Variants in PKIB observed in about 807,000 individuals in gnomAD.
PKIB encodes the protein cAMP-dependent protein kinase inhibitor beta.
A neutral mutation model predicts 4.5 loss-of-function variants in PKIB; 2 were observed. That is an observed-to-expected ratio of 0.44 (90% CI 0.18 to 1.39). The LOEUF is 1.39. Among genes scored for constraint, PKIB ranks in the 40% most tolerant of loss-of-function variants. The pLI, the probability that PKIB is intolerant of heterozygous loss-of-function variation, is 0.27. For synonymous variants in PKIB, 38 were observed against 36.0 expected (o/e 1.06, Z -0.20); for missense variants, 94 against 92.6 (o/e 1.02, Z -0.06).
intron 3 of PKIB, among the ~76,000 whole-genome samples, chr6:122,709,749 A>C (rs1005177737): frequency 1.3e-5 from 2 of 152,092 alleles, no homozygotes; most frequent in African/African-American, 2.4e-5. Flanking sequence ...AAGATAAATA[A>C]GTATATATTA....
intron 3 of PKIB, among the ~76,000 whole-genome samples, chr6:122,601,987 C>G (rs1166923899): frequency 6.6e-6 from 1 of 150,482 alleles, no homozygotes; most frequent in Non-Finnish European, 1.5e-5. Flanking sequence ...TCCTTCCAAG[C>G]TCTTCCCTTC....
At chr6:122,636,372 G>A (rs1038354406) in intron 2 of PKIB, among the ~76,000 whole-genome samples, 14 of 151,860 alleles carry the variant, frequency 9.2e-5, no homozygotes, top group African/African-American at 3.4e-4. Flanking sequence ...CTATACAAAA[G>A]ATAAATGTGT....
At chr6:122,497,830 T>C (rs887631360) in intron 2 of PKIB, among the ~76,000 whole-genome samples, 3 of 152,108 alleles carry the variant, frequency 2.0e-5, no homozygotes, top group African/African-American at 7.2e-5. Flanking sequence ...TAAGAAAGTC[T>C]GGGCTTAAAT....
intron 2 of PKIB, among the ~76,000 whole-genome samples, chr6:122,503,845 T>G (rs1181023144): frequency 1.3e-5 from 2 of 152,028 alleles, no homozygotes; most frequent in African/African-American, 4.8e-5. Flanking sequence ...CCAAATAAAA[T>G]GTAGGAGAGA....
upstream of PKIB, among the ~76,000 whole-genome samples, chr6:122,607,465 C>T (rs973270111): frequency 2.0e-5 from 3 of 152,244 alleles, no homozygotes; most frequent in African/African-American, 7.2e-5. Flanking sequence ...CTGGAGTGAG[C>T]CGAGATTGGG....
intron 2 of PKIB, among the ~76,000 whole-genome samples, chr6:122,634,138 C>T (rs1046604893): frequency 1.3e-5 from 2 of 151,922 alleles, no homozygotes; most frequent in Admixed American, 6.6e-5. Flanking sequence ...TGTTCTCACT[C>T]ATAAGTAGGG....
intron 2 of PKIB, among the ~76,000 whole-genome samples, chr6:122,550,254 T>G (rs930598437): frequency 6.6e-6 from 1 of 152,180 alleles, no homozygotes; most frequent in South Asian, 2.1e-4. Flanking sequence ...TAATATGAAA[T>G]ATGTCTAATA....
intron 2 of PKIB, among the ~76,000 whole-genome samples, chr6:122,543,671 C>T (rs1452225233): frequency 6.6e-6 from 1 of 151,932 alleles, no homozygotes; most frequent in African/African-American, 2.4e-5. Flanking sequence ...TGAGCCACTG[C>T]ACCTGGCTAG....
At chr6:122,515,825 C>G (rs1285182570) in intron 2 of PKIB, among the ~76,000 whole-genome samples, 1 of 152,104 alleles carries the variant, frequency 6.6e-6, no homozygotes, top group Non-Finnish European at 1.5e-5. Context: ...AAGCTATTCT[C>G]CTGCCTTAGC....
chr6:122,661,377 C>T (rs1484569050), intron 2 of PKIB, among the ~76,000 whole-genome samples: 2 of 152,140 alleles, frequency 1.3e-5, no homozygotes, highest in East Asian at 3.9e-4. Context: ...GGGACTCCCT[C>T]TCCATCCTTA....
At chr6:122,652,329 TGTGTGGAG>T (rs751772434) in intron 2 of PKIB, among the ~76,000 whole-genome samples, 20 of 50,296 alleles carry the variant, frequency 4.0e-4, no homozygotes, top group Non-Finnish European at 6.7e-4. Flanking sequence ...TGTGTGTGTG[TGTGTGGAG>T]AGAGAGAGAT....
In PKIB at chr6:122,547,950, C is replaced by CCATAT. The variant is rs370673741; in HGVS notation, c.-247-37970_-247-37966dup. ...TGGCCTATCCTTGACTAAAGCACAT[C>CCATAT]CATATACCTTACACTCCAAACGCTA... On this transcript the variant is annotated intron_variant, in intron 2 of 6. Coordinates refer to the PKIB transcript ENST00000392491. 3.5e-3 allele frequency among the ~76,000 whole-genome samples: 536 copies of CCATAT among 152,268 alleles called. 5 individuals carry two copies. The highest frequency in any genetic ancestry group is 0.012 in the African/African-American group (495 of 41,550).
intron 2 of PKIB, among the ~76,000 whole-genome samples, chr6:122,490,709 G>A (rs757864876): frequency 1.3e-5 from 2 of 152,080 alleles, no homozygotes; most frequent in African/African-American, 2.4e-5. Context: ...ACTATGTTTC[G>A]TGTACAGCCT....
chr6:122,473,067 G>A (rs1291421519), intron 1 of PKIB, among the ~76,000 whole-genome samples: 1 of 152,048 alleles, frequency 6.6e-6, no homozygotes, highest in Non-Finnish European at 1.5e-5. Context: ...GCCGAGATTG[G>A]GCCACTGCAC....
At chr6:122,669,211 T>C (rs1258469835) in intron 2 of PKIB, among the ~76,000 whole-genome samples, 1 of 152,140 alleles carries the variant, frequency 6.6e-6, no homozygotes, top group Non-Finnish European at 1.5e-5. Flanking sequence ...TGTTGGGTGT[T>C]TTTTTTTCTC....
chr6:122,639,847 G>A (rs114123148), intron 2 of PKIB, among the ~76,000 whole-genome samples: 226 of 152,272 alleles, frequency 1.5e-3, no homozygotes, highest in African/African-American at 5.1e-3. Context: ...GGAGGGTGAC[G>A]GGTTGGTTTT....
At position 122,536,785 on chromosome 6, in the gene PKIB, A is replaced by G. The variant is rs1196896565; in HGVS notation, c.-247-49136A>G. Among the ~76,000 whole-genome samples the G allele has an allele frequency of 2.0e-5, 3 of 146,656 alleles. No homozygotes were observed. The East Asian group carries it at 6.3e-4, about 31-fold the overall frequency. ...TAAAACAATGACAGTAAAATTAAAA[A>G]ATAAAAGAGAGAAAAACAAAGCAAT... On this transcript the variant is annotated intron_variant, in intron 2 of 6. Transcript: ENST00000392491.
intron 2 of PKIB, among the ~76,000 whole-genome samples, chr6:122,580,806 C>T (rs939592204): frequency 4.6e-5 from 7 of 152,090 alleles, no homozygotes; most frequent in South Asian, 2.1e-4. Flanking sequence ...AATGGATAAA[C>T]GAAACAGGAA....
intron 3 of PKIB, among the ~76,000 whole-genome samples, chr6:122,688,147 G>T (rs1276303178): frequency 2.0e-5 from 3 of 151,830 alleles, no homozygotes; most frequent in African/African-American, 7.3e-5. Context: ...GTTTTTCGAG[G>T]GTTTTTATCA....
Sources: gnomAD v4.1 joint callset for allele counts (sites outside exome capture counted in the v4.1 genomes callset) on GRCh38, gnomAD v4.1.1 for gene constraint, MANE v1.5 for transcripts, NCBI Gene and HGNC (gene_info 2026-07-23, HGNC 2026-07-21) for gene names.